Variants in NPAS2 observed in about 807,000 individuals in gnomAD.
The protein encoded by NPAS2 is neuronal PAS domain-containing protein 2.
NPAS2 carries 23 observed loss-of-function variants against 107.5 expected under a neutral mutation model. The ratio of observed to expected loss-of-function variants is 0.21; its 90% CI spans 0.15 to 0.30. The LOEUF is 0.30. Ranked by LOEUF, NPAS2 falls within the 10% of genes least tolerant of loss-of-function variation. The probability of loss-of-function intolerance (pLI) is 1.00; values close to 1 mark genes in which losing one functional copy is unlikely to be tolerated. For missense variants in NPAS2, 756 were observed against 1,043.3 expected, an observed-to-expected ratio of 0.72 and a Z score of 3.79; for synonymous variants, 403 against 417.5, an observed-to-expected ratio of 0.97 and a Z score of 0.42.
chr2:100,974,866 C>G lies in NPAS2; in HGVS notation c.1204C>G (p.Leu402Val). Residue 402 changes from leucine to valine, a missense_variant, in exon 13 of 21, where the codon CTT becomes GTT. Leu to Val is a conservative substitution (Grantham distance 32). This residue lies in a region of NPAS2 where 496 missense variants were observed against 594.4 expected (regional missense o/e 0.83). Transcript: ENST00000335681. ...FNTLDVGASG[L>V]NTSHSPSASS... Reference sequence around the variant, plus strand: ...CACACTCGACGTGGGTGCCTCGGGCCTTAATACCAGTCATTCGCCATCGGC... The same window carrying G: ...CACACTCGACGTGGGTGCCTCGGGCGTTAATACCAGTCATTCGCCATCGGC... The G allele has an allele frequency of 6.2e-7, 1 of 1,614,146 alleles. No homozygotes were observed. Among genetic ancestry groups the G allele is most frequent in the Non-Finnish European group, 8.5e-7 (1 of 1,179,998 alleles).
At chr2:100,910,644 A>T (rs532754043) in intron 2 of NPAS2, among the ~76,000 whole-genome samples, 4 of 150,136 alleles carry the variant, frequency 2.7e-5, no homozygotes, top group Non-Finnish European at 5.9e-5. Flanking sequence ...TTCTCCTCCC[A>T]CAGCCTCCCA....
intron 1 of NPAS2, among the ~76,000 whole-genome samples, chr2:100,838,843 T>C (rs1280859753): frequency 1.3e-5 from 2 of 152,196 alleles, no homozygotes; most frequent in Non-Finnish European, 2.9e-5. Context: ...TTTGGATCAG[T>C]TATTTTTTAA....
At chr2:100,823,292 C>T (rs1490424184) in intron 1 of NPAS2, among the ~76,000 whole-genome samples, 1 of 152,156 alleles carries the variant, frequency 6.6e-6, no homozygotes, top group Non-Finnish European at 1.5e-5. Flanking sequence ...CTTTAAGGCA[C>T]AACTGCTTCT....
chr2:100,835,958 G>C (rs370402195), intron 1 of NPAS2, among the ~76,000 whole-genome samples: 2 of 152,112 alleles, frequency 1.3e-5, no homozygotes, highest in South Asian at 2.1e-4. Flanking sequence ...TGAGTAACAG[G>C]GTTTTCTAAG....
intron 1 of NPAS2, among the ~76,000 whole-genome samples, chr2:100,882,432 A>G (rs1437797700): frequency 2.0e-5 from 3 of 152,070 alleles, no homozygotes; most frequent in Non-Finnish European, 4.4e-5. Context: ...ACACAGTGAA[A>G]CCCCATCTCT....
intron 1 of NPAS2, among the ~76,000 whole-genome samples, chr2:100,896,168 T>C (rs909120810): frequency 6.6e-6 from 1 of 152,176 alleles, no homozygotes; most frequent in Admixed American, 6.5e-5. Flanking sequence ...TGTTTGCACC[T>C]TGCACAATTG....
intron 1 of NPAS2, among the ~76,000 whole-genome samples, chr2:100,861,058 G>C (rs1262148064): frequency 6.7e-6 from 1 of 150,272 alleles, no homozygotes; most frequent in Non-Finnish European, 1.5e-5. Context: ...TTGAAGACGA[G>C]GTCTCACTTT....
chr2:100,874,949 C>T (rs1479685341), intron 1 of NPAS2, among the ~76,000 whole-genome samples: 2 of 152,048 alleles, frequency 1.3e-5, no homozygotes, highest in Non-Finnish European at 2.9e-5. Context: ...TGGTGGGCCT[C>T]ATGCTGGATC....
chr2:100,964,700 C>T (rs1205190626), intron 8 of NPAS2, among the ~76,000 whole-genome samples, 161 bp from the exon 9 acceptor site: 1 of 152,196 alleles, frequency 6.6e-6, no homozygotes, highest in East Asian at 1.9e-4. Flanking sequence ...TCAGCTAATA[C>T]CGAAATTAGC....
In NPAS2 at chr2:100,975,521, C is replaced by A; in HGVS notation, c.1346C>A (p.Pro449His). ...GCTTTGCCAAGATCAGCCACCCTGC[C>A]CCAAGAGTTACCTGTCCCCGGGCTC... ...TPALPRSATL[P>H]QELPVPGLSQ... Residue 449 changes from proline (P) to histidine (H), a missense_variant, in exon 14 of 21, where the codon CCC (proline) becomes CAC (histidine). Pro to His is a moderately conservative substitution (Grantham distance 77). This residue lies in a region of NPAS2 where 496 missense variants were observed against 594.4 expected (regional missense o/e 0.83). Coordinates refer to ENST00000335681, the MANE Select transcript of NPAS2 (RefSeq NM_002518.4). 2.5e-6 allele frequency: 4 copies of A among 1,612,962 alleles called. No homozygotes were observed. The South Asian group carries it at 4.4e-5, about 18-fold the overall frequency.
At chr2:100,939,488 T>C (rs1054750877) in intron 5 of NPAS2, among the ~76,000 whole-genome samples, 15 of 152,136 alleles carry the variant, frequency 9.9e-5, no homozygotes, top group African/African-American at 3.6e-4. Context: ...AGGAAGCTAG[T>C]GATGGGGCTG....
intron 1 of NPAS2, among the ~76,000 whole-genome samples, chr2:100,822,389 T>A (rs1676126672): frequency 1.3e-5 from 2 of 152,204 alleles, no homozygotes; most frequent in Non-Finnish European, 2.9e-5. Context: ...TTTAAAAAAA[T>A]TTCTGGCTGT....
chr2:100,872,355 T>A (rs1161397196), intron 1 of NPAS2, among the ~76,000 whole-genome samples: 4 of 152,184 alleles, frequency 2.6e-5, no homozygotes, highest in East Asian at 1.9e-4. Flanking sequence ...CAAAATGAGA[T>A]AATATATTTT....
At chr2:100,938,364 G>A (rs1241623010) in intron 5 of NPAS2, among the ~76,000 whole-genome samples, 1 of 152,142 alleles carries the variant, frequency 6.6e-6, no homozygotes, top group East Asian at 1.9e-4. Flanking sequence ...GAAGACTGAT[G>A]TCTTGGAAGA....
chr2:100,964,097 C>T lies in NPAS2; in HGVS notation c.638C>T (p.Ser213Leu). Reference protein sequence around the residue: ...PSCNGFDNTLSRPCRVPLGKE... With the variant: ...PSCNGFDNTLLRPCRVPLGKE... ...TGTAATGGTTTTGACAACACCCTTT[C>T]AAGACCTTGCCGGGTGCCACTAGGA... is the stretch of plus-strand genomic sequence containing the variant. The change falls in exon 8 of 21, where the codon TCA (serine) becomes TTA (leucine). Residue 213 changes from serine (S) to leucine (L), a missense_variant. Physicochemically the swap from Ser to Leu is moderately radical, Grantham distance 145 (BLOSUM62 -2). Coordinates refer to ENST00000335681, the MANE Select transcript of NPAS2 (RefSeq NM_002518.4). 1 of 1,614,136 alleles carries T rather than the reference C, an allele frequency of 6.2e-7. No individual in the cohort carries two copies. Among genetic ancestry groups the T allele is most frequent in the Non-Finnish European group, 8.5e-7 (1 of 1,179,978 alleles).
At chr2:100,967,327 C>T (rs549531554) in intron 10 of NPAS2, among the ~76,000 whole-genome samples, 19 of 148,672 alleles carry the variant, frequency 1.3e-4, no homozygotes, top group African/African-American at 4.2e-4. Flanking sequence ...CCCGGGTTCA[C>T]GCCATTCTCC....
intron 1 of NPAS2, among the ~76,000 whole-genome samples, chr2:100,895,864 T>G (rs535565066): frequency 1.3e-5 from 2 of 152,332 alleles, no homozygotes; most frequent in East Asian, 1.9e-4. Flanking sequence ...TGTCTCTGTT[T>G]AGGAGCCCCT....
At position 100,933,007 on chromosome 2, in the gene NPAS2, A is replaced by C; in HGVS notation, c.273+6A>C. 1 of 1,601,596 alleles carries C rather than the reference A, an allele frequency of 6.2e-7. No individual in the cohort carries two copies. Among genetic ancestry groups the C allele is most frequent in the Non-Finnish European group, 8.6e-7 (1 of 1,168,474 alleles). On this transcript the variant is annotated splice_donor_region_variant and intron_variant, in intron 4 of 20. Coordinates refer to ENST00000335681, the MANE Select transcript of NPAS2 (RefSeq NM_002518.4). Reference sequence around the variant, plus strand: ...TCACCCAGCTGATGTTGGAGGTGAAATGCACTTTCAAAATAGCTTAAACAG... The same window carrying C: ...TCACCCAGCTGATGTTGGAGGTGAACTGCACTTTCAAAATAGCTTAAACAG...
intron 3 of NPAS2, among the ~76,000 whole-genome samples, chr2:100,928,091 T>C (rs1267365771): frequency 6.6e-6 from 1 of 152,128 alleles, no homozygotes; most frequent in East Asian, 1.9e-4. Flanking sequence ...CTTAGTCTTT[T>C]ATTATTTCTT....
Sources: allele counts gnomAD v4.1 joint callset (sites outside exome capture counted in the v4.1 genomes callset), GRCh38; gene constraint gnomAD v4.1.1; regional missense constraint gnomAD v4.1.1; transcripts MANE v1.5; gene names NCBI Gene and HGNC (gene_info 2026-07-23, HGNC 2026-07-21).